MIA2: variants seen among roughly 807,000 people sequenced by gnomAD.
MIA2 encodes MIA SH3 domain ER export factor 2.
In MIA2, 127 loss-of-function variants were observed where a neutral mutation model predicts 167.8. The ratio of observed to expected loss-of-function variants is 0.76; its 90% confidence interval spans 0.66 to 0.88. The LOEUF (loss-of-function observed/expected upper bound fraction) is 0.88, where lower values mean the gene tolerates loss of function less well. Ranked by LOEUF, MIA2 falls within the 40% of genes least tolerant of loss-of-function variation. The pLI, the probability that MIA2 is intolerant of heterozygous loss-of-function variation, is 0.00. For missense variants in MIA2, 1,690 were observed against 1,624.7 expected, an observed-to-expected ratio of 1.04 and a Z score of -0.69; for synonymous variants, 552 against 541.9, an observed-to-expected ratio of 1.02 and a Z score of -0.26.
intron 6 of MIA2, among the ~76,000 whole-genome samples, chr14:39,262,860 G>C (rs2055191737): frequency 6.6e-6 from 1 of 152,202 alleles, no homozygotes; most frequent in Middle Eastern, 3.4e-3. Flanking sequence ...TTTGCACATT[G>C]ATTTTGTATC....
intron 18 of MIA2, among the ~76,000 whole-genome samples, chr14:39,309,332 G>T (rs1161653684): frequency 1.3e-5 from 2 of 152,102 alleles, no homozygotes; most frequent in African/African-American, 4.8e-5. Flanking sequence ...TCAACCCACA[G>T]CTTTTATATC....
chr14:39,252,639 C>A, intron 4 of MIA2, 109 bp from the exon 5 acceptor site: 1 of 710,488 alleles, frequency 1.4e-6, no homozygotes, highest in Middle Eastern at 3.9e-4. Context: ...AACGAAGTAT[C>A]ATAATGACCT....
At position 39,302,121 on chromosome 14, in the gene MIA2, A is replaced by G. The variant is rs748121879; in HGVS notation, c.2620-8A>G. 4.3e-6 allele frequency: 7 copies of G among 1,612,646 alleles called. No individual in the cohort carries two copies. The highest frequency in any genetic ancestry group is 2.7e-5 in the African/African-American group (2 of 74,880). The stretch of plus-strand genomic sequence containing the variant: ...CCTCTCTATTTTTCCCCTTTGTTCA[A>G]TGTCAAGACTCTGACTGAACGCTTG... On this transcript the variant is annotated splice_polypyrimidine_tract_variant and splice_region_variant and intron_variant, in intron 14 of 28. Coordinates refer to ENST00000640607, the MANE Select transcript of MIA2 (RefSeq NM_001329214.4).
intron 6 of MIA2, among the ~76,000 whole-genome samples, chr14:39,275,710 G>A (rs916438059): frequency 2.0e-5 from 3 of 152,144 alleles, no homozygotes; most frequent in African/African-American, 7.2e-5. Context: ...CTGGTATTGT[G>A]TATTGAATGC....
chr14:39,352,203 T>C (rs544724223), downstream of MIA2, among the ~76,000 whole-genome samples: 9 of 151,416 alleles, frequency 5.9e-5, no homozygotes, highest in South Asian at 2.1e-4. Context: ...TTTTGGCTTT[T>C]TTTTTTTTTT....
chr14:39,344,509 A>G (rs1487454055), intron 25 of MIA2, among the ~76,000 whole-genome samples: 1 of 152,154 alleles, frequency 6.6e-6, no homozygotes, highest in Non-Finnish European at 1.5e-5. Flanking sequence ...CCTCAGTCAC[A>G]TCTCCCGACC....
intron 9 of MIA2, among the ~76,000 whole-genome samples, chr14:39,281,121 T>C (rs2058866837): frequency 6.6e-6 from 1 of 151,930 alleles, no homozygotes; most frequent in African/African-American, 2.4e-5. Flanking sequence ...GATGGGGTTT[T>C]GCCATGTTGT....
intron 9 of MIA2, among the ~76,000 whole-genome samples, chr14:39,289,527 G>A (rs1408730285): frequency 1.3e-5 from 2 of 152,116 alleles, no homozygotes; most frequent in Admixed American, 6.5e-5. Context: ...TACCAGTTTT[G>A]GTTGGTAAGG....
At chr14:39,266,950 T>G (rs1208666964) in intron 6 of MIA2, 1 of 660,302 alleles carries the variant, frequency 1.5e-6, no homozygotes. Context: ...TTTGGGGTTG[T>G]GCGGCTCACA....
At chr14:39,298,554 T>TTTTTTTTTTTTTTTTA in intron 13 of MIA2, among the ~76,000 whole-genome samples, 1 of 143,964 alleles carries the variant, frequency 6.9e-6, no homozygotes, top group South Asian at 2.2e-4. Flanking sequence ...TTTTTTTTTT[T>TTTTTTTTTTTTTTTTA]GTGAGCAACA....
intron 9 of MIA2, among the ~76,000 whole-genome samples, chr14:39,288,100 C>T (rs117634853): frequency 6.6e-6 from 1 of 152,116 alleles, no homozygotes; most frequent in Non-Finnish European, 1.5e-5. Context: ...GTTGGGATTA[C>T]AGGCGTGAGC....
intron 9 of MIA2, among the ~76,000 whole-genome samples, chr14:39,284,539 T>C (rs1173425030): frequency 6.6e-6 from 1 of 152,158 alleles, no homozygotes; most frequent in Non-Finnish European, 1.5e-5. Context: ...GATCTTTTGC[T>C]ATTCCATATT....
Position 39,294,190 on chromosome 14 carries a change from A to ATTT in MIA2, c.2391+130_2391+132dup, listed in dbSNP as rs34805892. On this transcript the variant is annotated intron_variant, in intron 12 of 28. Coordinates refer to ENST00000640607, the MANE Select transcript of MIA2 (RefSeq NM_001329214.4). ...GAGATATAGGGGATCCCAGATATGT[A>ATTT]TTTTTTTTTTTTTAACAATACCTAA... 2,584 of 513,550 alleles carry ATTT rather than the reference A, an allele frequency of 5.0e-3. 4 individuals are homozygous for ATTT. The highest frequency in any genetic ancestry group is 0.011 in the East Asian group (268 of 24,354). 31.8% of individuals were successfully genotyped at this position (513,550 alleles called of 1,614,324 possible).
Position 39,388,112 on chromosome 14 carries a change from C to G in MIA2, c.*1160C>G, listed in dbSNP as rs944798007. The G allele has an allele frequency of 6.6e-6, 1 of 152,094 alleles. No homozygotes were observed. Among genetic ancestry groups the G allele is most frequent in the Admixed American group, 6.5e-5 (1 of 15,270 alleles). The allele number at this position is 152,094 out of a possible 1,614,324, so 9.4% of individuals were successfully genotyped here. Reference sequence around the variant, plus strand: ...CCAAGGTAGGGCTGTACCATAATGCCGAGTTCCCCCATCTGCTAATCATTT... The same window carrying G: ...CCAAGGTAGGGCTGTACCATAATGCGGAGTTCCCCCATCTGCTAATCATTT... On this transcript the variant is annotated 3_prime_UTR_variant, in exon 24 of 24. Coordinates refer to the MIA2 transcript ENST00000341502. This position sits in a 1 kb window ranked among gnomAD's most constrained non-coding sequence, Gnocchi z 4.1.
At position 39,263,245 on chromosome 14, in the gene MIA2, A is replaced by G. The variant is rs1394646222; in HGVS notation, c.1887+10074A>G. 3.9e-5 allele frequency among the ~76,000 whole-genome samples: 6 copies of G among 152,238 alleles called. No individual in the cohort carries two copies. The South Asian group carries it at 1.0e-3, about 26-fold the overall frequency. ...CATGAAGGGCTGTTGAATTTTGTCG[A>G]AGGCCTTTTCTGCATGTATTGAGAT... is the stretch of plus-strand genomic sequence containing the variant. On this transcript the variant is annotated intron_variant, in intron 6 of 28. Transcript: ENST00000640607.
At chr14:39,334,432 G>A (rs940959138) in intron 25 of MIA2, among the ~76,000 whole-genome samples, 1 of 150,736 alleles carries the variant, frequency 6.6e-6, no homozygotes, top group African/African-American at 2.4e-5. Flanking sequence ...CCGAGATTGC[G>A]CCACTGCACT....
chr14:39,272,830 C>G (rs564012249), intron 6 of MIA2, among the ~76,000 whole-genome samples: 2 of 152,312 alleles, frequency 1.3e-5, no homozygotes, highest in Admixed American at 1.3e-4. Flanking sequence ...TCCTTCGTTG[C>G]TTTCCACAAT....
At chr14:39,344,945 G>T (rs1286247148) in intron 25 of MIA2, among the ~76,000 whole-genome samples, 2 of 152,170 alleles carry the variant, frequency 1.3e-5, no homozygotes, top group African/African-American at 4.8e-5. Flanking sequence ...GGGACAAAGG[G>T]TGGCTGTAGA....
rs554968714 is a variant in MIA2, at chr14:39,379,316, A to G, written c.2249-7569A>G. Among the ~76,000 whole-genome samples the G allele has an allele frequency of 4.6e-5, 7 of 152,056 alleles. No individual in the cohort carries two copies. The South Asian group carries it at 1.5e-3, about 32-fold the overall frequency. On this transcript the variant is annotated intron_variant, in intron 23 of 23. Transcript: ENST00000341502. ...TCAGCCCTTACCATCTTATGCACCC[A>G]CCTCTTTCAGGATAGTCCCTGGGCC...
Sources: gnomAD v4.1 joint callset for allele counts (sites outside exome capture counted in the v4.1 genomes callset) on GRCh38, gnomAD v4.1.1 for gene constraint, Gnocchi (gnomAD v3.1) non-coding constraint, MANE v1.5 for transcripts, NCBI Gene and HGNC (gene_info 2026-07-23, HGNC 2026-07-21) for gene names.